LRP1B: variants seen among roughly 807,000 people sequenced by gnomAD.
LRP1B encodes LDL receptor related protein 1B, also known as low-density lipoprotein receptor-related protein 1B.
Under a neutral mutation model 556.6 loss-of-function variants are expected in LRP1B, and 217 were observed. That is an observed-to-expected ratio of 0.39 (90% confidence interval 0.35 to 0.44). The LOEUF (loss-of-function observed/expected upper bound fraction) is 0.44, where lower values mean the gene tolerates loss of function less well. Among genes scored for constraint, LRP1B ranks in the 20% least tolerant of loss-of-function variants. The pLI, the probability that LRP1B is intolerant of heterozygous loss-of-function variation, is 1.00. For missense variants in LRP1B, 5,053 were observed against 5,620.8 expected (o/e 0.90, Z 3.23); for synonymous variants, 2,047 against 1,865.8 (o/e 1.10, Z -2.50).
In LRP1B at chr2:140,297,926, G is replaced by T; in HGVS notation, c.12849C>A (p.Asn4283Lys). Residue 4283 changes from asparagine (N) to lysine (K), a missense_variant, in exon 84 of 91, where the codon AAC (asparagine) becomes AAA (lysine). This residue lies in a region of LRP1B where 551 missense variants were observed against 592.0 expected (regional missense o/e 0.93). Coordinates refer to ENST00000389484, the MANE Select transcript of LRP1B (RefSeq NM_018557.3). ...CSCALGFTGP[N>K]CGKTVCEDFC... The stretch of plus-strand genomic sequence containing the variant: ...AATCCTCACAGACTGTCTTACCACA[G>T]TTTGGCCCAGTGAAACCCAGTGCAC... The T allele has an allele frequency of 2.5e-6, 4 of 1,613,206 alleles. No individual in the cohort carries two copies. The highest frequency in any genetic ancestry group is 3.4e-6 in the Non-Finnish European group (4 of 1,179,344).
intron 32 of LRP1B, among the ~76,000 whole-genome samples, chr2:140,803,275 T>G (rs1419963377): frequency 3.0e-5 from 4 of 133,958 alleles, no homozygotes; most frequent in South Asian, 2.6e-4. Context: ...TTTTTTTTTT[T>G]TTTTTTTTTT....
intron 11 of LRP1B, among the ~76,000 whole-genome samples, chr2:141,046,761 T>G (rs1421634182): frequency 1.3e-5 from 2 of 152,014 alleles, no homozygotes; most frequent in African/African-American, 4.8e-5. Context: ...AACCAAGAAC[T>G]CTCTATGTTG....
At chr2:140,640,128 G>A (rs1159850582) in intron 41 of LRP1B, among the ~76,000 whole-genome samples, 1 of 151,396 alleles carries the variant, frequency 6.6e-6, no homozygotes, top group Admixed American at 6.6e-5. Flanking sequence ...TCAGCCTCCC[G>A]AGTAGCTGGG....
intron 7 of LRP1B, among the ~76,000 whole-genome samples, chr2:141,177,735 C>G (rs1680797166): frequency 6.6e-6 from 1 of 152,056 alleles, no homozygotes; most frequent in Admixed American, 6.6e-5. Flanking sequence ...TCTAATAGTT[C>G]CAATATTAGA....
At chr2:141,449,999 C>T (rs1246916387) in intron 3 of LRP1B, among the ~76,000 whole-genome samples, 3 of 152,120 alleles carry the variant, frequency 2.0e-5, no homozygotes, top group Admixed American at 6.5e-5. Flanking sequence ...GTTGCAAAGT[C>T]ACTCCCAGTT....
At chr2:141,307,065 A>G (rs1686618861) in intron 3 of LRP1B, among the ~76,000 whole-genome samples, 1 of 152,090 alleles carries the variant, frequency 6.6e-6, no homozygotes. Context: ...GACGGGGAAA[A>G]TGTATATTTT....
At chr2:140,664,278 C>A (rs1685193778) in intron 41 of LRP1B, among the ~76,000 whole-genome samples, 1 of 152,118 alleles carries the variant, frequency 6.6e-6, no homozygotes, top group African/African-American at 2.4e-5. Context: ...TTGCTCAATG[C>A]AAGATTGCCA....
At chr2:141,520,303 A>C (rs149624341) in intron 2 of LRP1B, among the ~76,000 whole-genome samples, 1 of 152,284 alleles carries the variant, frequency 6.6e-6, no homozygotes, top group Admixed American at 6.5e-5. Flanking sequence ...ATGAAGAAAA[A>C]GATTCTGTCA....
Position 140,350,935 on chromosome 2 carries a change from T to C in LRP1B, c.11754A>G (p.Glu3918=). 1 of 1,611,030 alleles carries C rather than the reference T, an allele frequency of 6.2e-7. No individual in the cohort carries two copies. Among genetic ancestry groups the C allele is most frequent in the Non-Finnish European group, 8.5e-7 (1 of 1,177,808 alleles). The change falls in exon 77 of 91, where the codon GAA becomes GAG. Residue 3918 remains glutamate, a synonymous_variant. Transcript: ENST00000389484. ...SGDHQQISHI[E]HNSRITGMDV... ...CCATCCCTGTTATTCTTGAATTATG[T>C]TCAATATGAGAAATTTGTTGATGAT...
chr2:141,787,161 GCTATTTTAGAAAA>G (rs2105652560), intron 2 of LRP1B, among the ~76,000 whole-genome samples: 1 of 152,002 alleles, frequency 6.6e-6, no homozygotes, highest in East Asian at 1.9e-4. Context: ...AAATGGTACA[GCTATTTTAGAAAA>G]CTGTATGGAA....
At chr2:141,903,605 A>AT (rs1699680914) in intron 1 of LRP1B, among the ~76,000 whole-genome samples, 2 of 152,110 alleles carry the variant, frequency 1.3e-5, no homozygotes, top group African/African-American at 4.8e-5. Flanking sequence ...AATACTGAGA[A>AT]TAATTAATCT....
In LRP1B at chr2:140,444,366, C is replaced by T. The variant is rs755915528; in HGVS notation, c.10258G>A (p.Asp3420Asn). ...IPVNLRCNGQ[D>N]DCGDEEDERD... The stretch of plus-strand genomic sequence containing the variant: ...TCATCTTCCTCATCACCACAGTCAT[C>T]TTGCCCATTACATCTTAAGTTTACT... The change falls in exon 65 of 91, where the codon GAT (aspartate) becomes AAT (asparagine). Residue 3420 changes from aspartate (D) to asparagine (N), a missense_variant. Coordinates refer to ENST00000389484, the MANE Select transcript of LRP1B (RefSeq NM_018557.3). 8.1e-6 allele frequency: 13 copies of T among 1,613,846 alleles called. No homozygotes were observed. In the South Asian group the frequency reaches 1.1e-4, roughly 14 times the overall value.
intron 2 of LRP1B, among the ~76,000 whole-genome samples, chr2:141,566,063 A>G (rs780344433): frequency 2.6e-5 from 4 of 152,094 alleles, no homozygotes; most frequent in Admixed American, 6.6e-5. Context: ...CTGGCTGCAA[A>G]TCACCTTCCA....
chr2:140,745,388 T>A (rs751176533), intron 35 of LRP1B, among the ~76,000 whole-genome samples: 10 of 152,194 alleles, frequency 6.6e-5, no homozygotes, highest in Non-Finnish European at 1.3e-4. Context: ...TTTTATTATA[T>A]TTTACAGGAG....
chr2:141,614,560 G>C (rs1384379482), intron 2 of LRP1B, among the ~76,000 whole-genome samples: 1 of 152,178 alleles, frequency 6.6e-6, no homozygotes, highest in African/African-American at 2.4e-5. Flanking sequence ...ACTGGTAGAA[G>C]AAGGAGATTG....
intron 3 of LRP1B, among the ~76,000 whole-genome samples, chr2:141,417,821 A>G (rs1327492430): frequency 1.4e-5 from 2 of 148,072 alleles, no homozygotes; most frequent in African/African-American, 5.0e-5. Flanking sequence ...GAGAGTTTAC[A>G]TATCTACCAA....
chr2:141,899,988 C>T (rs753717386), intron 1 of LRP1B, among the ~76,000 whole-genome samples: 5 of 151,934 alleles, frequency 3.3e-5, no homozygotes, highest in Non-Finnish European at 5.9e-5. Context: ...GGAATACCTC[C>T]GTGATAATAC....
At chr2:140,740,631 A>G (rs981738041) in intron 35 of LRP1B, among the ~76,000 whole-genome samples, 23 of 151,998 alleles carry the variant, frequency 1.5e-4, no homozygotes, top group Non-Finnish European at 2.9e-4. Flanking sequence ...GTAACCAAAC[A>G]CCACCTGTTC....
chr2:141,757,172 A>T (rs917433376), intron 2 of LRP1B, among the ~76,000 whole-genome samples: 2 of 152,200 alleles, frequency 1.3e-5, no homozygotes, highest in Admixed American at 6.5e-5. Context: ...AACAATTAGC[A>T]GTAGAAATTT....
Sources: gnomAD v4.1 joint callset for allele counts (sites outside exome capture counted in the v4.1 genomes callset) on GRCh38, gnomAD v4.1.1 for gene constraint, gnomAD v4.1.1 regional missense constraint, MANE v1.5 for transcripts, NCBI Gene and HGNC (gene_info 2026-07-23, HGNC 2026-07-21) for gene names.